The following FRZB variants were observed in gnomAD, a reference collection of about 807,000 sequenced individuals.
FRZB encodes the protein frizzled related protein, also known as secreted frizzled-related protein 3.
A neutral mutation model predicts 32.5 loss-of-function variants in FRZB; 34 were observed. The ratio of observed to expected loss-of-function variants is 1.05; its 90% CI spans 0.80 to 1.39. FRZB has a LOEUF of 1.39. Ranked by LOEUF, FRZB falls within the 40% of genes most tolerant of loss-of-function variation. The pLI is 0.00. For synonymous variants in FRZB, 170 were observed against 159.2 expected, an observed-to-expected ratio of 1.07 and a Z score of -0.51; for missense variants, 423 against 424.8, an observed-to-expected ratio of 1.00 and a Z score of 0.04.
Position 182,834,839 on chromosome 2 carries a change from A to G in FRZB, c.*10T>C. ...GGAAGTCCACTGTGTTACTTTTTGT[A>G]TTTCGGGATTTAGTTGCGTGCTTGC... is the stretch of plus-strand genomic sequence containing the variant. On this transcript the variant is annotated 3_prime_UTR_variant, in exon 6 of 6. Transcript: ENST00000295113. 6.3e-7 allele frequency: 1 copy of G among 1,598,554 alleles called. No homozygotes were observed. Among genetic ancestry groups the G allele is most frequent in the Non-Finnish European group, 8.6e-7 (1 of 1,166,296 alleles).
At chr2:182,837,888 TG>T in intron 5 of FRZB, 59 bp downstream of exon 5, 1 of 1,312,178 alleles carries the variant, frequency 7.6e-7, no homozygotes, top group Non-Finnish European at 1.1e-6. Flanking sequence ...GACAGATGGC[TG>T]GTTTTCTACT....
intron 2 of FRZB, among the ~76,000 whole-genome samples, chr2:182,849,182 G>A (rs1027029126): frequency 6.6e-6 from 1 of 151,808 alleles, no homozygotes; most frequent in Non-Finnish European, 1.5e-5. Flanking sequence ...AGCTGAGATC[G>A]CGCCACTGCA....
rs761636770 is a variant in FRZB at position 182,866,522 on chromosome 2, G to C, written c.31C>G (p.Leu11Val). The change falls in exon 1 of 6, where the codon CTG (leucine) becomes GTG (valine). Residue 11 changes from leucine to valine, a missense_variant. By Grantham distance (32) the Leu-to-Val change is conservative. Transcript: ENST00000295113. The surrounding 1 kb of genome is among the most constrained non-coding windows in gnomAD (Gnocchi z 4.5). ...AGGGCAAGCAGCCCGGCCCGCAGCA[G>C]CAGCATCCCTCCCGGGCTGCCGCAG... The part of the protein sequence containing the change: MVCGSPGGML[L>V]LRAGLLALAA... The C allele has an allele frequency of 8.1e-6, 12 of 1,486,430 alleles. No homozygotes were observed. The highest frequency in any genetic ancestry group is 2.3e-5 in the Admixed American group (1 of 43,844). 92.1% of individuals were successfully genotyped at this position (1,486,430 alleles called of 1,614,324 possible).
intron 2 of FRZB, among the ~76,000 whole-genome samples, chr2:182,851,287 G>C (rs777798490): frequency 7.9e-5 from 12 of 152,268 alleles, no homozygotes; most frequent in Middle Eastern, 3.4e-3. Context: ...TAAAGTTTCA[G>C]TACTAGGGAC....
At chr2:182,842,116 C>G (rs1695592202) in intron 3 of FRZB, among the ~76,000 whole-genome samples, 1 of 152,178 alleles carries the variant, frequency 6.6e-6, no homozygotes, top group Non-Finnish European at 1.5e-5. Flanking sequence ...CTCTGCTGTT[C>G]ACTCAGTGAA....
Position 182,834,900 on chromosome 2 carries a change from A to G in FRZB, c.927T>C (p.Thr309=). 6.2e-7 allele frequency: 1 copy of G among 1,613,518 alleles called. No homozygotes were observed. The highest frequency in any genetic ancestry group is 8.5e-7 in the Non-Finnish European group (1 of 1,179,656). ...SKSDSSNSDS[T]QSQKSGRNSN... is the part of the protein sequence containing the mutation. Reference sequence around the variant, plus strand: ...AGTTCCTGCCAGACTTCTGACTCTGAGTGGAATCACTATTGCTAGAATCAC... The same window carrying G: ...AGTTCCTGCCAGACTTCTGACTCTGGGTGGAATCACTATTGCTAGAATCAC... The change falls in exon 6 of 6, where the codon ACT becomes ACC. Residue 309 remains threonine (T), a synonymous_variant. Transcript: ENST00000295113.
intron 1 of FRZB, among the ~76,000 whole-genome samples, chr2:182,862,154 G>A (rs1353006362): frequency 6.6e-6 from 1 of 152,210 alleles, no homozygotes; most frequent in African/African-American, 2.4e-5. Flanking sequence ...GTGGAGAAAC[G>A]ATTAAATGGC....
intron 5 of FRZB, among the ~76,000 whole-genome samples, chr2:182,835,544 G>T (rs1211841237): frequency 6.7e-6 from 1 of 150,192 alleles, no homozygotes; most frequent in Admixed American, 6.7e-5. Flanking sequence ...TACAAAGCAG[G>T]TATTAGCAAT....
intron 2 of FRZB, among the ~76,000 whole-genome samples, chr2:182,857,588 G>A (rs2105762604): frequency 6.7e-6 from 1 of 149,778 alleles, no homozygotes; most frequent in Non-Finnish European, 1.5e-5. Context: ...CGGCACTCCA[G>A]CCTGGGCAAC....
intron 2 of FRZB, among the ~76,000 whole-genome samples, chr2:182,847,957 G>C (rs1252756103): frequency 1.3e-5 from 2 of 151,956 alleles, no homozygotes; most frequent in African/African-American, 4.8e-5. Flanking sequence ...GAAATTGAGG[G>C]TATCTTCAAG....
Position 182,866,506 on chromosome 2 carries a change from A to C in FRZB, c.47T>G (p.Leu16Arg), listed in dbSNP as rs1695895168. ...PGGMLLLRAG[L>R]LALAALCLLR... ...CAGGCAGAGAGCAGCCAGGGCAAGC[A>C]GCCCGGCCCGCAGCAGCAGCATCCC... The change falls in exon 1 of 6, where the codon CTG becomes CGG. Residue 16 changes from leucine to arginine, a missense_variant. Leu to Arg is a moderately radical substitution (Grantham distance 102). Transcript: ENST00000295113. The surrounding 1 kb of genome is among the most constrained non-coding windows in gnomAD (Gnocchi z 4.5). 4.0e-6 allele frequency: 6 copies of C among 1,508,106 alleles called. No homozygotes were observed. Among genetic ancestry groups the C allele is most frequent in the Admixed American group, 2.1e-5 (1 of 47,228 alleles). The allele number at this position is 1,508,106 out of a possible 1,614,324, so 93.4% of individuals were successfully genotyped here. A position where few individuals can be genotyped will look rare whatever the true frequency, so the allele number is the denominator to read the frequency against.
chr2:182,845,084 C>T (rs1477264643), intron 2 of FRZB, among the ~76,000 whole-genome samples: 1 of 152,104 alleles, frequency 6.6e-6, no homozygotes, highest in East Asian at 1.9e-4. Context: ...CTCATTTATG[C>T]TTACTCAACC....
chr2:182,861,182 T>C (rs1695827940), intron 1 of FRZB, among the ~76,000 whole-genome samples: 2 of 152,240 alleles, frequency 1.3e-5, no homozygotes, highest in Admixed American at 1.3e-4. Context: ...TTCCTTTAAC[T>C]GCAATCTGCT....
rs1046955240 is a variant in FRZB, at chr2:182,866,010, A to G, written c.478+65T>C. The G allele has an allele frequency of 1.7e-5, 22 of 1,304,240 alleles. No individual in the cohort carries two copies. The highest frequency in any genetic ancestry group is 2.4e-5 in the Non-Finnish European group (22 of 923,996). 80.8% of individuals were successfully genotyped at this position (1,304,240 alleles called of 1,614,324 possible). On this transcript the variant is annotated intron_variant, in intron 1 of 5. Coordinates refer to ENST00000295113, the MANE Select transcript of FRZB (RefSeq NM_001463.4). This position sits in a 1 kb window ranked among gnomAD's most constrained non-coding sequence, Gnocchi z 4.5. ...AAAAAATTAGAGAGTAAAGGCTAGT[A>G]ACAAGGACTCCAAGAATTGAGGAGG...
intron 3 of FRZB, among the ~76,000 whole-genome samples, chr2:182,840,389 T>C (rs186804640): frequency 6.6e-6 from 1 of 152,232 alleles, no homozygotes; most frequent in Admixed American, 6.5e-5. Flanking sequence ...ACCCAGTGTC[T>C]ACTATTTTCA....
intron 3 of FRZB, 77 bp from the exon 4 acceptor site, chr2:182,838,690 C>G: frequency 8.5e-7 from 1 of 1,172,882 alleles, no homozygotes; most frequent in African/African-American, 1.5e-5. Flanking sequence ...CCAAAGTAGG[C>G]TTCTCTTTAG....
At chr2:182,854,793 C>A (rs902077868) in intron 2 of FRZB, among the ~76,000 whole-genome samples, 1 of 152,186 alleles carries the variant, frequency 6.6e-6, no homozygotes, top group Non-Finnish European at 1.5e-5. Flanking sequence ...TAGGAAGGAG[C>A]AGTCACAAGA....
rs1695727229 is a variant in FRZB at position 182,853,058 on chromosome 2, A to G, written c.526+5728T>C. Among the ~76,000 whole-genome samples, 3 of 152,224 alleles carry G rather than the reference A, an allele frequency of 2.0e-5. No individual in the cohort carries two copies. The South Asian group carries it at 6.2e-4, about 32-fold the overall frequency. ...CTCAGCTGTTACATTTCTCCAAAGC[A>G]TAAATTTTTGAGTGTGAACAAATTA... On this transcript the variant is annotated intron_variant, in intron 2 of 5. Coordinates refer to ENST00000295113, the MANE Select transcript of FRZB (RefSeq NM_001463.4).
intron 1 of FRZB, among the ~76,000 whole-genome samples, chr2:182,862,143 A>G (rs1040649079): frequency 6.6e-6 from 1 of 152,198 alleles, no homozygotes; most frequent in Non-Finnish European, 1.5e-5. Flanking sequence ...TTTCTCTGAG[A>G]GTGGAGAAAC....
Sources: allele counts gnomAD v4.1 joint callset (sites outside exome capture counted in the v4.1 genomes callset), GRCh38; gene constraint gnomAD v4.1.1; non-coding constraint Gnocchi (gnomAD v3.1); transcripts MANE v1.5; gene names NCBI Gene and HGNC (gene_info 2026-07-23, HGNC 2026-07-21).